Variants in DLGAP1 observed in about 807,000 individuals in gnomAD.
The protein encoded by DLGAP1 is DLG associated protein 1, also known as disks large-associated protein 1.
A neutral mutation model predicts 90.8 loss-of-function variants in DLGAP1; 11 were observed. The observed-to-expected ratio is 0.12, with a 90% CI of 0.08 to 0.20. DLGAP1 has a LOEUF of 0.20. DLGAP1 is among the 10% of genes least tolerant of loss of function. The pLI, the probability that DLGAP1 is intolerant of heterozygous loss-of-function variation, is 1.00. For missense variants in DLGAP1, 1,050 were observed against 1,333.8 expected (o/e 0.79, Z 3.31); for synonymous variants, 558 against 540.7 (o/e 1.03, Z -0.44).
At chr18:3,904,940 G>A (rs2071863535) in intron 3 of DLGAP1, among the ~76,000 whole-genome samples, 1 of 151,598 alleles carries the variant, frequency 6.6e-6, no homozygotes, top group Non-Finnish European at 1.5e-5. Flanking sequence ...AATATGCATG[G>A]CTTTGTAGGG....
intron 4 of DLGAP1, among the ~76,000 whole-genome samples, chr18:3,872,740 G>T (rs1420027496): frequency 6.6e-6 from 1 of 152,152 alleles, no homozygotes; most frequent in African/African-American, 2.4e-5. Context: ...GAGACTGTGG[G>T]TGAATAGTTC....
At chr18:3,504,837 C>T (rs1323499640) in intron 11 of DLGAP1, among the ~76,000 whole-genome samples, 2 of 152,170 alleles carry the variant, frequency 1.3e-5, no homozygotes, top group African/African-American at 4.8e-5. Context: ...AGTCATGTGA[C>T]ATACCATGCA....
intron 1 of DLGAP1, among the ~76,000 whole-genome samples, chr18:4,160,184 T>C (rs539113979): frequency 5.3e-5 from 8 of 152,348 alleles, no homozygotes; most frequent in African/African-American, 1.7e-4. Flanking sequence ...AAAGGAGGTT[T>C]ATCAAACAAG....
chr18:4,451,153 C>T (rs1157138758), intron 1 of DLGAP1, among the ~76,000 whole-genome samples: 1 of 152,204 alleles, frequency 6.6e-6, no homozygotes, highest in East Asian at 1.9e-4. Context: ...TATCTGTCCC[C>T]TACCATTTAC....
intron 1 of DLGAP1, among the ~76,000 whole-genome samples, chr18:4,442,585 C>T (rs962352938): frequency 7.6e-5 from 11 of 144,516 alleles, no homozygotes; most frequent in African/African-American, 2.3e-4. Flanking sequence ...ATACTGACTA[C>T]TATTAAAACA....
At chr18:3,804,515 G>A (rs1035496670) in intron 5 of DLGAP1, among the ~76,000 whole-genome samples, 1 of 152,206 alleles carries the variant, frequency 6.6e-6, no homozygotes, top group South Asian at 2.1e-4. Flanking sequence ...CTGCCAGACT[G>A]AGCTCCCAGC....
At chr18:4,401,949 G>A in intron 1 of DLGAP1, among the ~76,000 whole-genome samples, 1 of 152,162 alleles carries the variant, frequency 6.6e-6, no homozygotes, top group East Asian at 1.9e-4. Context: ...TTTTAAGGCT[G>A]CAGGCAGCAA....
At chr18:3,739,911 TTGCAG>T (rs1449612107) in intron 6 of DLGAP1, among the ~76,000 whole-genome samples, 1 of 152,232 alleles carries the variant, frequency 6.6e-6, no homozygotes, top group Non-Finnish European at 1.5e-5. Context: ...CGTCATGGAA[TTGCAG>T]TGCTTGACCT....
chr18:4,407,891 T>TAA lies in DLGAP1; in HGVS notation c.-267+47114_-267+47115insTT, dbSNP rs1567898036. Among the ~76,000 whole-genome samples, 392 of 42,204 alleles carry TAA rather than the reference T, an allele frequency of 9.3e-3. 3 individuals carry two copies. The highest frequency in any genetic ancestry group is 0.017 in the East Asian group (26 of 1,572). The allele number at this position is 42,204 out of a possible 152,430, so 27.7% of individuals were successfully genotyped here. ...AAATAAATAAATAAATAAATAAATA[T>TAA]ATAAATAAATAAGAAAAGTATCTAA... On this transcript the variant is annotated intron_variant, in intron 1 of 12. Transcript: ENST00000315677.
intron 1 of DLGAP1, among the ~76,000 whole-genome samples, chr18:4,401,859 G>A (rs1331521587): frequency 6.6e-6 from 1 of 152,178 alleles, no homozygotes; most frequent in Non-Finnish European, 1.5e-5. Flanking sequence ...CACCATGCAT[G>A]CTTTAAAATA....
At chr18:3,926,471 T>C (rs944034564) in intron 3 of DLGAP1, among the ~76,000 whole-genome samples, 1 of 123,154 alleles carries the variant, frequency 8.1e-6, no homozygotes, top group African/African-American at 3.2e-5. Context: ...TATGTGCCTA[T>C]GTATGTAGTA....
chr18:3,582,564 C>T (rs576781058), intron 7 of DLGAP1, among the ~76,000 whole-genome samples: 2 of 152,188 alleles, frequency 1.3e-5, no homozygotes, highest in South Asian at 2.1e-4. Context: ...CCTTCCCAGC[C>T]AACAAATTGT....
At position 3,506,817 on chromosome 18, in the gene DLGAP1, G is replaced by A. The variant is rs766369884; in HGVS notation, c.2571+1753C>T. 2.0e-3 allele frequency among the ~76,000 whole-genome samples: 304 copies of A among 152,272 alleles called. 5 individuals are homozygous for A. The highest frequency in any genetic ancestry group is 1.4e-3 in the East Asian group (7 of 5,184). On this transcript the variant is annotated intron_variant, in intron 11 of 12. Coordinates refer to ENST00000315677, the MANE Select transcript of DLGAP1 (RefSeq NM_004746.4). ...GAGAATCATGTTAATTGAGATCTGT[G>A]ACACATTAGCAAGTTTGCAAATTAA...
chr18:3,636,543 C>G lies in DLGAP1; in HGVS notation c.1592-54295G>C, dbSNP rs1209759759. 3.3e-5 allele frequency among the ~76,000 whole-genome samples: 5 copies of G among 151,296 alleles called. 1 individual carries two copies. The highest frequency in any genetic ancestry group is 7.4e-5 in the Non-Finnish European group (5 of 67,984). On this transcript the variant is annotated intron_variant, in intron 7 of 12. Transcript: ENST00000315677. ...TCTCCTGCTTCAGCCTCCCGAGGAG[C>G]TGGGACTACAGACGCACGCCACAAT...
At chr18:3,946,128 T>A (rs1000129784) in intron 3 of DLGAP1, among the ~76,000 whole-genome samples, 1 of 152,224 alleles carries the variant, frequency 6.6e-6, no homozygotes, top group East Asian at 1.9e-4. Context: ...CCCTTATTTT[T>A]TTTTTTTACC....
At chr18:4,282,566 A>G (rs2079579854) in intron 1 of DLGAP1, among the ~76,000 whole-genome samples, 1 of 152,238 alleles carries the variant, frequency 6.6e-6, no homozygotes, top group Admixed American at 6.5e-5. Context: ...CAATGCAAGT[A>G]ATACATCTGA....
At chr18:4,393,080 A>G (rs1383582780) in intron 1 of DLGAP1, among the ~76,000 whole-genome samples, 1 of 152,190 alleles carries the variant, frequency 6.6e-6, no homozygotes, top group Admixed American at 6.5e-5. Flanking sequence ...GTGGTTGTCA[A>G]ATTCCTACAG....
intron 7 of DLGAP1, among the ~76,000 whole-genome samples, chr18:3,627,067 A>C (rs955201249): frequency 1.3e-5 from 2 of 152,300 alleles, no homozygotes; most frequent in Middle Eastern, 3.4e-3. Flanking sequence ...AAAGAATTAC[A>C]TGGTCTCATG....
chr18:3,561,770 T>C (rs1347753943), intron 9 of DLGAP1, among the ~76,000 whole-genome samples: 2 of 150,972 alleles, frequency 1.3e-5, no homozygotes, highest in African/African-American at 5.0e-5. Context: ...TGACTAAGCC[T>C]CGCTATGTTG....
Sources: allele counts gnomAD v4.1 joint callset (sites outside exome capture counted in the v4.1 genomes callset), GRCh38; gene constraint gnomAD v4.1.1; transcripts MANE v1.5; gene names NCBI Gene and HGNC (gene_info 2026-07-23, HGNC 2026-07-21).